The following EPHB3 variants were observed in gnomAD, a reference collection of about 807,000 sequenced individuals.
EPHB3 encodes ephrin type-B receptor 3.
In EPHB3, 33 loss-of-function variants were observed where a neutral mutation model predicts 100.2. The ratio of observed to expected loss-of-function variants is 0.33; its 90% CI spans 0.25 to 0.44. The LOEUF (loss-of-function observed/expected upper bound fraction) is 0.44, where lower values mean the gene tolerates loss of function less well. EPHB3 is among the 20% of genes least tolerant of loss of function. The pLI is 1.00. For synonymous variants in EPHB3, 526 were observed against 554.7 expected, an observed-to-expected ratio of 0.95 and a Z score of 0.73; for missense variants, 1,045 against 1,378.3, an observed-to-expected ratio of 0.76 and a Z score of 3.83.
rs539714486 is a variant in EPHB3 at position 184,581,584 on chromosome 3, C to G, written c.2959C>G (p.Arg987Gly). ...GATCCTGAGCAGTATCCAGGACATGCGGCTGCAGATGAACCAGACGCTGCC... is the reference window on the plus strand; with the variant it reads ...GATCCTGAGCAGTATCCAGGACATGGGGCTGCAGATGAACCAGACGCTGCC... ...KKILSSIQDM[R>G]LQMNQTLPVQ... The change falls in exon 16 of 16, where the codon CGG becomes GGG. Residue 987 changes from arginine to glycine, a missense_variant. This residue lies in a region of EPHB3 where 985 missense variants were observed against 1,331.1 expected (regional missense o/e 0.74). Transcript: ENST00000330394. The G allele has an allele frequency of 6.2e-7, 1 of 1,613,260 alleles. No individual in the cohort carries two copies. Among genetic ancestry groups the G allele is most frequent in the Admixed American group, 1.7e-5 (1 of 59,920 alleles).
intron 13 of EPHB3, 46 bp from the exon 14 acceptor site, chr3:184,580,926 G>A (rs1051280035): frequency 6.2e-7 from 1 of 1,607,348 alleles, no homozygotes; most frequent in South Asian, 1.1e-5. Flanking sequence ...TGCTGGCTGG[G>A]GATCATGGCA....
chr3:184,580,754 C>T lies in EPHB3; in HGVS notation c.2414C>T (p.Thr805Ile). ...GGCGGGAAGATCCCCATCCGCTGGA[C>T]TGCCCCAGAGGCCATAGCCTATCGG... ...SLGGKIPIRW[T>I]APEAIAYRKF... The change falls in exon 13 of 16, where the codon ACT becomes ATT. Residue 805 changes from threonine to isoleucine, a missense_variant. Around this residue, in one of 2 missense-constraint regions of EPHB3, gnomAD observed 985 missense variants for 1,331.1 expected, o/e 0.74. Transcript: ENST00000330394. 6.2e-7 allele frequency: 1 copy of T among 1,614,102 alleles called. No homozygotes were observed. The highest frequency in any genetic ancestry group is 8.5e-7 in the Non-Finnish European group (1 of 1,179,992).
intron 3 of EPHB3, chr3:184,575,069 A>G: frequency 1.1e-6 from 1 of 902,834 alleles, no homozygotes; most frequent in Non-Finnish European, 1.3e-6. Context: ...TTGACTTGCA[A>G]ATGTTCCAGT....
intron 1 of EPHB3, among the ~76,000 whole-genome samples, chr3:184,566,132 T>A (rs1454901631): frequency 1.3e-5 from 2 of 152,084 alleles, no homozygotes; most frequent in African/African-American, 2.4e-5. Context: ...TCCTATTCCC[T>A]TCTGCCCCCA....
Position 184,579,910 on chromosome 3 carries a change from C to T in EPHB3, c.2148C>T (p.Asn716=), listed in dbSNP as rs1194786925. 6.2e-7 allele frequency: 1 copy of T among 1,613,710 alleles called. No individual in the cohort carries two copies. Among genetic ancestry groups the T allele is most frequent in the Non-Finnish European group, 8.5e-7 (1 of 1,179,962 alleles). The part of the protein sequence containing the change: ...PVMILTEFME[N]CALDSFLRLN... ...TGATCCTCACTGAGTTCATGGAAAA[C>T]TGCGCCCTGGACTCCTTCCTCCGGG... is the stretch of plus-strand genomic sequence containing the variant. Residue 716 remains asparagine (N), a synonymous_variant, in exon 11 of 16, where the codon AAC becomes AAT. Coordinates refer to ENST00000330394, the MANE Select transcript of EPHB3 (RefSeq NM_004443.4). The surrounding 1 kb of genome is among the most constrained non-coding windows in gnomAD (Gnocchi z 5.2).
rs1233121524 is a variant in EPHB3, at chr3:184,576,890, C to T, written c.1061C>T (p.Ser354Leu). 1 of 1,572,448 alleles carries T rather than the reference C, an allele frequency of 6.4e-7. No homozygotes were observed. Among genetic ancestry groups the T allele is most frequent in the East Asian group, 2.3e-5 (1 of 44,432 alleles). Residue 354 changes from serine (S) to leucine (L), a missense_variant, in exon 5 of 16, where the codon TCA becomes TTA. Ser to Leu is a moderately radical substitution (Grantham distance 145). Around this residue, in one of 2 missense-constraint regions of EPHB3, gnomAD observed 985 missense variants for 1,331.1 expected, o/e 0.74. Coordinates refer to ENST00000330394, the MANE Select transcript of EPHB3 (RefSeq NM_004443.4). The part of the protein sequence containing the change: ...RGVISNVNET[S>L]LILEWSEPRD... ...GTGATCTCCAATGTGAATGAAACCT[C>T]ACTGATCCTCGAGTGGAGTGAGCCC...
At position 184,563,970 on chromosome 3, in the gene EPHB3, G is replaced by A. The variant is rs1354409534; in HGVS notation, c.118+1617G>A. On this transcript the variant is annotated intron_variant, in intron 1 of 15. Coordinates refer to ENST00000330394, the MANE Select transcript of EPHB3 (RefSeq NM_004443.4). This position sits in a 1 kb window ranked among gnomAD's most constrained non-coding sequence, Gnocchi z 4.1. ...AGTGTGGTTTGGGTCAGGTGCACAG[G>A]GGCTACCTGAGGAGGCTCACTTCTC... is the stretch of plus-strand genomic sequence containing the variant. Among the ~76,000 whole-genome samples the A allele has an allele frequency of 1.3e-5, 2 of 152,156 alleles. No individual in the cohort carries two copies. The highest frequency in any genetic ancestry group is 1.9e-4 in the East Asian group (1 of 5,194).
In EPHB3 at chr3:184,563,686, C is replaced by T. The variant is rs767186969; in HGVS notation, c.118+1333C>T. Among the ~76,000 whole-genome samples, 8 of 152,232 alleles carry T rather than the reference C, an allele frequency of 5.3e-5. No individual in the cohort carries two copies. The highest frequency in any genetic ancestry group is 1.0e-4 in the Non-Finnish European group (7 of 68,048). On this transcript the variant is annotated intron_variant, in intron 1 of 15. Transcript: ENST00000330394. The surrounding 1 kb of genome is among the most constrained non-coding windows in gnomAD (Gnocchi z 4.1). ...GAGGTCTCGCCCACACTCGCACACA[C>T]TCACCCACATGTGTGTGATAGGATC...
In EPHB3 at chr3:184,577,940, T is replaced by G; in HGVS notation, c.1682T>G (p.Val561Gly). ...QQLQEQLPLI[V>G]GSATAGLVFV... ...CTCCAGGAGCAGCTTCCCCTCATCG[T>G]GGGCTCCGCTACAGCTGGGCTTGTC... The change falls in exon 8 of 16, where the codon GTG becomes GGG. Residue 561 changes from valine (V) to glycine (G), a missense_variant. By Grantham distance (109) the Val-to-Gly change is moderately radical (BLOSUM62 -3). This residue lies in a region of EPHB3 where 985 missense variants were observed against 1,331.1 expected (regional missense o/e 0.74). Coordinates refer to ENST00000330394, the MANE Select transcript of EPHB3 (RefSeq NM_004443.4). This position sits in a 1 kb window ranked among gnomAD's most constrained non-coding sequence, Gnocchi z 4.9. 1 of 1,614,070 alleles carries G rather than the reference T, an allele frequency of 6.2e-7. No homozygotes were observed. Among genetic ancestry groups the G allele is most frequent in the Non-Finnish European group, 8.5e-7 (1 of 1,179,978 alleles).
At position 184,569,120 on chromosome 3, in the gene EPHB3, A is replaced by G. The variant is rs1046433357; in HGVS notation, c.119-2198A>G. Among the ~76,000 whole-genome samples the G allele has an allele frequency of 1.3e-5, 2 of 152,178 alleles. No individual in the cohort carries two copies. Among genetic ancestry groups the G allele is most frequent in the African/African-American group, 4.8e-5 (2 of 41,458 alleles). On this transcript the variant is annotated intron_variant, in intron 1 of 15. Transcript: ENST00000330394. This position sits in a 1 kb window ranked among gnomAD's most constrained non-coding sequence, Gnocchi z 5.4. ...ATGGGTTTGGCACAGGCTGAGCAGA[A>G]GGAAGTGAGGGAGAGGGAGGAGGGA...
chr3:184,578,950 G>T lies in EPHB3; in HGVS notation c.1801+484G>T, dbSNP rs1457064767. Among the ~76,000 whole-genome samples, 1 of 152,212 alleles carries T rather than the reference G, an allele frequency of 6.6e-6. No homozygotes were observed. Among genetic ancestry groups the T allele is most frequent in the East Asian group, 1.9e-4 (1 of 5,152 alleles). The stretch of plus-strand genomic sequence containing the variant: ...GGGAAGGAGCCCAACTGTGGGGGCA[G>T]CGAGAAGACTGGTTTGACAGCTGCT... On this transcript the variant is annotated intron_variant, in intron 9 of 15. Transcript: ENST00000330394. This position sits in a 1 kb window ranked among gnomAD's most constrained non-coding sequence, Gnocchi z 4.7.
rs762197883 is a variant in EPHB3 at position 184,580,489 on chromosome 3, T to G, written c.2260T>G (p.Tyr754Asp). The G allele has an allele frequency of 6.2e-7, 1 of 1,614,196 alleles. No individual in the cohort carries two copies. The highest frequency in any genetic ancestry group is 1.3e-5 in the African/African-American group (1 of 75,050). The stretch of plus-strand genomic sequence containing the variant: ...CATGAAGTACCTGTCCGAGATGAAC[T>G]ATGTGCACCGCGACCTGGCTGCTCG... Reference protein sequence around the residue: ...AGMKYLSEMNYVHRDLAARNI... With the variant: ...AGMKYLSEMNDVHRDLAARNI... The change falls in exon 12 of 16, where the codon TAT becomes GAT. Residue 754 changes from tyrosine to aspartate, a missense_variant. Coordinates refer to ENST00000330394, the MANE Select transcript of EPHB3 (RefSeq NM_004443.4).
Position 184,579,597 on chromosome 3 carries a change from C to A in EPHB3, c.1922C>A (p.Ala641Asp). Reference sequence around the variant, plus strand: ...GTCAAGATCGAGGAGGTGATCGGAGCTGGTGAGTCTCCCGGGGCACAGTAG... The same window carrying A: ...GTCAAGATCGAGGAGGTGATCGGAGATGGTGAGTCTCCCGGGGCACAGTAG... ...SCVKIEEVIGAGEFGEVCRGR... is the reference protein window; with the variant it reads ...SCVKIEEVIGDGEFGEVCRGR... Residue 641 changes from alanine to aspartate, a missense_variant and splice_region_variant, in exon 10 of 16, where the codon GCT becomes GAT. Physicochemically the swap from Ala to Asp is moderately radical, Grantham distance 126. Around this residue, in one of 2 missense-constraint regions of EPHB3, gnomAD observed 985 missense variants for 1,331.1 expected, o/e 0.74. Transcript: ENST00000330394. The surrounding 1 kb of genome is among the most constrained non-coding windows in gnomAD (Gnocchi z 5.2). 6.2e-7 allele frequency: 1 copy of A among 1,613,918 alleles called. No homozygotes were observed. The highest frequency in any genetic ancestry group is 8.5e-7 in the Non-Finnish European group (1 of 1,179,912).
chr3:184,567,793 GT>G (rs1024089553), intron 1 of EPHB3, among the ~76,000 whole-genome samples: 9 of 152,200 alleles, frequency 5.9e-5, no homozygotes, highest in African/African-American at 2.2e-4. Context: ...ATACTGCAGG[GT>G]TGGGGGTGAG....
intron 3 of EPHB3, chr3:184,575,334 G>A: frequency 1.4e-6 from 1 of 700,070 alleles, no homozygotes; most frequent in Non-Finnish European, 1.8e-6. Flanking sequence ...GCTGCTGCCT[G>A]CGCCTGGTGG....
chr3:184,573,778 C>T lies in EPHB3; in HGVS notation c.856+602C>T, dbSNP rs1714601801. The stretch of plus-strand genomic sequence containing the variant: ...TGTTGCCTAGGCTGGAGTGCAATGG[C>T]GCGATCTTGGCTTGCTGCAACCTCC... On this transcript the variant is annotated intron_variant, in intron 3 of 15. Transcript: ENST00000330394. This position sits in a 1 kb window ranked among gnomAD's most constrained non-coding sequence, Gnocchi z 4.5. Among the ~76,000 whole-genome samples, 1 of 147,992 alleles carries T rather than the reference C, an allele frequency of 6.8e-6. No individual in the cohort carries two copies. The highest frequency in any genetic ancestry group is 1.5e-5 in the Non-Finnish European group (1 of 67,544).
chr3:184,574,986 T>C (rs1309825437), intron 3 of EPHB3, among the ~76,000 whole-genome samples: 1 of 152,268 alleles, frequency 6.6e-6, no homozygotes, highest in African/African-American at 2.4e-5. Flanking sequence ...GGAGAGGCAG[T>C]GACCCACTTT....
At chr3:184,576,805 C>T in intron 4 of EPHB3, 37 bp from the exon 5 acceptor site, 1 of 1,515,458 alleles carries the variant, frequency 6.6e-7, no homozygotes, top group Non-Finnish European at 8.8e-7. Flanking sequence ...TCCTAGAGCC[C>T]CCAGCTCACT....
In EPHB3 at chr3:184,577,069, C is replaced by A; in HGVS notation, c.1240C>A (p.His414Asn). ...GACGGAGCGCCGGGTCCACATCAGCCATCTGCTGGCCCACACGCGCTACAC... is the reference window on the plus strand; with the variant it reads ...GACGGAGCGCCGGGTCCACATCAGCAATCTGCTGGCCCACACGCGCTACAC... ...GLTERRVHIS[H>N]LLAHTRYTFE... The change falls in exon 5 of 16, where the codon CAT becomes AAT. Residue 414 changes from histidine to asparagine, a missense_variant. By Grantham distance (68) the His-to-Asn change is moderately conservative (BLOSUM62 1). Around this residue, in one of 2 missense-constraint regions of EPHB3, gnomAD observed 985 missense variants for 1,331.1 expected, o/e 0.74. Transcript: ENST00000330394. This position sits in a 1 kb window ranked among gnomAD's most constrained non-coding sequence, Gnocchi z 4.9. 6.2e-7 allele frequency: 1 copy of A among 1,613,708 alleles called. No homozygotes were observed. Among genetic ancestry groups the A allele is most frequent in the African/African-American group, 1.3e-5 (1 of 75,070 alleles).
Sources: gnomAD v4.1 joint callset for allele counts (sites outside exome capture counted in the v4.1 genomes callset) on GRCh38, gnomAD v4.1.1 for gene constraint, gnomAD v4.1.1 regional missense constraint, Gnocchi (gnomAD v3.1) non-coding constraint, MANE v1.5 for transcripts, NCBI Gene and HGNC (gene_info 2026-07-23, HGNC 2026-07-21) for gene names.